The following APLNR variants were observed in gnomAD, a reference collection of about 807,000 sequenced individuals.
The protein encoded by APLNR is apelin receptor.
A neutral mutation model predicts 23.4 loss-of-function variants in APLNR; 13 were observed. The observed-to-expected ratio is 0.56, with a 90% CI of 0.36 to 0.88. The LOEUF is 0.88. Ranked by LOEUF, APLNR falls within the 40% of genes least tolerant of loss-of-function variation. The pLI is 0.01. For synonymous variants in APLNR, 234 were observed against 211.9 expected (o/e 1.10, Z -0.91); for missense variants, 480 against 517.1 (o/e 0.93, Z 0.70).
In APLNR at chr11:57,237,182, C is replaced by G. The variant is rs1459207748; in HGVS notation, c.-178G>C. The G allele has an allele frequency of 1.6e-6, 1 of 629,476 alleles. No individual in the cohort carries two copies. Among genetic ancestry groups the G allele is most frequent in the African/African-American group, 1.8e-5 (1 of 54,192 alleles). The allele number at this position is 629,476 out of a possible 1,614,324, so 39.0% of individuals were successfully genotyped here. A position where few individuals can be genotyped will look rare whatever the true frequency, so the allele number is the denominator to read the frequency against. On this transcript the variant is annotated 5_prime_UTR_variant, in exon 1 of 1. Transcript: ENST00000606794. ...GAGCTGCCTCTGGGTTCTCCAGACC[C>G]TGGAGGAAGCCTGTCTCCTGCAGAA...
chr11:57,235,726 G>A lies in APLNR; in HGVS notation c.*136C>T. 1 of 1,029,022 alleles carries A rather than the reference G, an allele frequency of 9.7e-7. No individual in the cohort carries two copies. 63.7% of individuals were successfully genotyped at this position (1,029,022 alleles called of 1,614,324 possible). A position where few individuals can be genotyped will look rare whatever the true frequency, so the allele number is the denominator to read the frequency against. ...GAGAAAGAATAAAGCAGTAGAGGAG[G>A]ACAGGGCGGGGCAGAATCAGGGGAC... is the stretch of plus-strand genomic sequence containing the variant. On this transcript the variant is annotated 3_prime_UTR_variant, in exon 1 of 1. Coordinates refer to ENST00000606794, the MANE Select transcript of APLNR (RefSeq NM_005161.6).
In APLNR at chr11:57,234,272, A is replaced by G. The variant is rs1285963570; in HGVS notation, c.*1590T>C. The G allele has an allele frequency of 6.6e-6, 1 of 152,208 alleles. No homozygotes were observed. Among genetic ancestry groups the G allele is most frequent in the African/African-American group, 2.4e-5 (1 of 41,430 alleles). The allele number at this position is 152,208 out of a possible 1,614,324, so 9.4% of individuals were successfully genotyped here. On this transcript the variant is annotated 3_prime_UTR_variant, in exon 1 of 1. Coordinates refer to ENST00000606794, the MANE Select transcript of APLNR (RefSeq NM_005161.6). ...CCCATGGCAAGCAGGAGGCCTCCTT[A>G]GGAAGAGGGCCACTGACCCTGGAAC...
At position 57,235,958 on chromosome 11, in the gene APLNR, C is replaced by T; in HGVS notation, c.1047G>A (p.Gly349=). ...TGTTGGGGCCGGGCCCCTGGCTGTG[C>T]CCCGAAGAGTAGCTGGCTGACTTCT... is the stretch of plus-strand genomic sequence containing the variant. ...SGEKSASYSS[G]HSQGPGPNMG... is the part of the protein sequence containing the mutation. Residue 349 remains glycine, a synonymous_variant, in exon 1 of 1, where the codon GGG becomes GGA. Coordinates refer to ENST00000606794, the MANE Select transcript of APLNR (RefSeq NM_005161.6). The T allele has an allele frequency of 1.2e-6, 2 of 1,614,280 alleles. No individual in the cohort carries two copies. Among genetic ancestry groups the T allele is most frequent in the Non-Finnish European group, 1.7e-6 (2 of 1,180,046 alleles).
Position 57,235,281 on chromosome 11 carries a change from C to G in APLNR, c.*581G>C, listed in dbSNP as rs1011807745. 5 of 152,324 alleles carry G rather than the reference C, an allele frequency of 3.3e-5. No individual in the cohort carries two copies. The highest frequency in any genetic ancestry group is 7.3e-5 in the Non-Finnish European group (5 of 68,242). The allele number at this position is 152,324 out of a possible 1,614,324, so 9.4% of individuals were successfully genotyped here. ...CGGCCCCAGCCCATTCCCTGCCTCACACTCAGAAAACAGGATAGAAAGCTT... is the reference window on the plus strand; with the variant it reads ...CGGCCCCAGCCCATTCCCTGCCTCAGACTCAGAAAACAGGATAGAAAGCTT... On this transcript the variant is annotated 3_prime_UTR_variant, in exon 1 of 1. Transcript: ENST00000606794.
At position 57,236,438 on chromosome 11, in the gene APLNR, G is replaced by A. The variant is rs779778624; in HGVS notation, c.567C>T (p.Ala189=). Residue 189 remains alanine (A), a synonymous_variant, in exon 1 of 1, where the codon GCC becomes GCT. Transcript: ENST00000606794. ...VQCYMDYSMV[A]TVSSEWAWEV... ...CCCAGGCCCACTCTGAGCTCACAGT[G>A]GCCACCATGGAGTAGTCCATGTAGC... 6.2e-7 allele frequency: 1 copy of A among 1,614,214 alleles called. No homozygotes were observed. The highest frequency in any genetic ancestry group is 8.5e-7 in the Non-Finnish European group (1 of 1,180,030).
chr11:57,236,057 G>A lies in APLNR; in HGVS notation c.948C>T (p.Phe316=), dbSNP rs1326778756. Residue 316 remains phenylalanine (F), a synonymous_variant, in exon 1 of 1, where the codon TTC becomes TTT. Coordinates refer to ENST00000606794, the MANE Select transcript of APLNR (RefSeq NM_005161.6). ...AGAGCATGGAGGTGCAGGCCTGGCGGAAGCGGGGGTCGAAAAAGGCATAGA... is the reference window on the plus strand; with the variant it reads ...AGAGCATGGAGGTGCAGGCCTGGCGAAAGCGGGGGTCGAAAAAGGCATAGA... The part of the protein sequence containing the change: ...PFLYAFFDPR[F]RQACTSMLCC... 2 of 1,614,136 alleles carry A rather than the reference G, an allele frequency of 1.2e-6. No individual in the cohort carries two copies. Among genetic ancestry groups the A allele is most frequent in the East Asian group, 2.2e-5 (1 of 44,892 alleles).
chr11:57,233,803 C>G lies in APLNR; in HGVS notation c.*2059G>C, dbSNP rs1426982461. ...GGGACAATTTCTTCCCTTCTAGAAG[C>G]CTCTTCCAGTGTTCACTGGATGCTT... On this transcript the variant is annotated 3_prime_UTR_variant, in exon 1 of 1. Coordinates refer to ENST00000606794, the MANE Select transcript of APLNR (RefSeq NM_005161.6). 1 of 152,250 alleles carries G rather than the reference C, an allele frequency of 6.6e-6. No homozygotes were observed. The allele number at this position is 152,250 out of a possible 1,614,324, so 9.4% of individuals were successfully genotyped here. A position where few individuals can be genotyped will look rare whatever the true frequency, so the allele number is the denominator to read the frequency against.
Position 57,235,670 on chromosome 11 carries a change from C to T in APLNR, c.*192G>A, listed in dbSNP as rs932660551. 11 of 651,402 alleles carry T rather than the reference C, an allele frequency of 1.7e-5. No homozygotes were observed. The Admixed American group carries it at 2.8e-4, about 17-fold the overall frequency. The allele number at this position is 651,402 out of a possible 1,614,324, so 40.4% of individuals were successfully genotyped here. ...TTGTGCAGGGTCAGGTCTGTAGAGC[C>T]CAGTCTCTTTCCCCTAAACCACAAA... On this transcript the variant is annotated 3_prime_UTR_variant, in exon 1 of 1. Transcript: ENST00000606794.
chr11:57,236,332 C>T lies in APLNR; in HGVS notation c.673G>A (p.Ala225Thr), dbSNP rs749277146. 21 of 1,614,002 alleles carry T rather than the reference C, an allele frequency of 1.3e-5. No homozygotes were observed. In the East Asian group the frequency reaches 2.2e-4, roughly 17 times the overall value. ...TIMLTCYFFI[A>T]QTIAGHFRKE... ...CGGAAGTGGCCAGCGATGGTTTGGG[C>T]GATGAAGAAGTAACAGGTCAGCATG... Residue 225 changes from alanine to threonine, a missense_variant, in exon 1 of 1, where the codon GCC becomes ACC. Coordinates refer to ENST00000606794, the MANE Select transcript of APLNR (RefSeq NM_005161.6).
Position 57,237,112 on chromosome 11 carries a change from T to A in APLNR, c.-108A>T. 1 of 1,193,774 alleles carries A rather than the reference T, an allele frequency of 8.4e-7. No homozygotes were observed. Among genetic ancestry groups the A allele is most frequent in the Non-Finnish European group, 1.2e-6 (1 of 855,960 alleles). 73.9% of individuals were successfully genotyped at this position (1,193,774 alleles called of 1,614,324 possible). On this transcript the variant is annotated 5_prime_UTR_variant, in exon 1 of 1. Coordinates refer to ENST00000606794, the MANE Select transcript of APLNR (RefSeq NM_005161.6). Reference sequence around the variant, plus strand: ...AATTTCTGGCTTGAGCCTCAGAGAGTAAGAAGGGCTGAAGATGCCCAGAGT... The same window carrying A: ...AATTTCTGGCTTGAGCCTCAGAGAGAAAGAAGGGCTGAAGATGCCCAGAGT...
In APLNR at chr11:57,235,938, G is replaced by T; in HGVS notation, c.1067C>A (p.Pro356His). The change falls in exon 1 of 1, where the codon CCC becomes CAC. Residue 356 changes from proline (P) to histidine (H), a missense_variant. Physicochemically the swap from Pro to His is moderately conservative, Grantham distance 77. Coordinates refer to ENST00000606794, the MANE Select transcript of APLNR (RefSeq NM_005161.6). ...CTGTTCTCCACCCTTGCCCATGTTG[G>T]GGCCGGGCCCCTGGCTGTGCCCCGA... ...YSSGHSQGPG[P>H]NMGKGGEQMH... 6.2e-7 allele frequency: 1 copy of T among 1,614,238 alleles called. No homozygotes were observed. The highest frequency in any genetic ancestry group is 1.1e-5 in the South Asian group (1 of 91,082).
At position 57,236,581 on chromosome 11, in the gene APLNR, G is replaced by C; in HGVS notation, c.424C>G (p.Leu142Val). Residue 142 changes from leucine to valine, a missense_variant, in exon 1 of 1, where the codon CTG (leucine) becomes GTG (valine). Physicochemically the swap from Leu to Val is conservative, Grantham distance 32. Coordinates refer to ENST00000606794, the MANE Select transcript of APLNR (RefSeq NM_005161.6). The stretch of plus-strand genomic sequence containing the variant: ...GTGGCCACGGCCCCGCTGACCCGCA[G>C]CCTCAGCCGAGCATTGGCCACTGGC... Reference protein sequence around the residue: ...VRPVANARLRLRVSGAVATAV... With the variant: ...VRPVANARLRVRVSGAVATAV... The C allele has an allele frequency of 6.2e-7, 1 of 1,612,928 alleles. No individual in the cohort carries two copies.
rs1357109878 is a variant in APLNR at position 57,234,537 on chromosome 11, G to T, written c.*1325C>A. On this transcript the variant is annotated 3_prime_UTR_variant, in exon 1 of 1. Coordinates refer to ENST00000606794, the MANE Select transcript of APLNR (RefSeq NM_005161.6). ...CTCCTAAAGCACGGACCAGCCGTTG[G>T]AGCCCCCAAATCCAGTAGGGGGTGG... 1 of 152,192 alleles carries T rather than the reference G, an allele frequency of 6.6e-6. No homozygotes were observed. The highest frequency in any genetic ancestry group is 1.5e-5 in the Non-Finnish European group (1 of 68,056). 9.4% of individuals were successfully genotyped at this position (152,192 alleles called of 1,614,324 possible).
chr11:57,235,873 C>G lies in APLNR; in HGVS notation c.1132G>C (p.Val378Leu). 6.2e-7 allele frequency: 1 copy of G among 1,606,848 alleles called. No individual in the cohort carries two copies. Among genetic ancestry groups the G allele is most frequent in the Non-Finnish European group, 8.5e-7 (1 of 1,176,256 alleles). Residue 378 changes from valine to leucine, a missense_variant, in exon 1 of 1, where the codon GTG becomes CTG. By Grantham distance (32) the Val-to-Leu change is conservative. Coordinates refer to ENST00000606794, the MANE Select transcript of APLNR (RefSeq NM_005161.6). The part of the protein sequence containing the change: ...KSIPYSQETL[V>L]VD ...CTCTGCTCCCAGCCCTAGTCAACCA[C>G]AAGGGTCTCCTGGCTGTAGGGGATG...
Position 57,236,405 on chromosome 11 carries a change from G to C in APLNR, c.600C>G (p.Gly200=), listed in dbSNP as rs753629842. The C allele has an allele frequency of 3.1e-6, 5 of 1,613,972 alleles. No homozygotes were observed. Among genetic ancestry groups the C allele is most frequent in the Admixed American group, 1.7e-5 (1 of 60,000 alleles). ...CCACGGTGGTGGACGAGACCCCAAG[G>C]CCCACCTCCCAGGCCCACTCTGAGC... The part of the protein sequence containing the change: ...TVSSEWAWEV[G]LGVSSTTVGF... The change falls in exon 1 of 1, where the codon GGC becomes GGG. Residue 200 remains glycine (G), a synonymous_variant. Coordinates refer to ENST00000606794, the MANE Select transcript of APLNR (RefSeq NM_005161.6).
chr11:57,236,980 T>A lies in APLNR; in HGVS notation c.25A>T (p.Asn9Tyr). 1 of 1,598,622 alleles carries A rather than the reference T, an allele frequency of 6.3e-7. No homozygotes were observed. Among genetic ancestry groups the A allele is most frequent in the Non-Finnish European group, 8.5e-7 (1 of 1,171,710 alleles). Reference protein sequence around the residue: MEEGGDFDNYYGADNQSEC... With the variant: MEEGGDFDYYYGADNQSEC... ...GACTGGTTGTCTGCCCCATAGTAGT[T>A]GTCAAAATCACCACCTTCCTCCATG... The change falls in exon 1 of 1, where the codon AAC (asparagine) becomes TAC (tyrosine). Residue 9 changes from asparagine to tyrosine, a missense_variant. By Grantham distance (143) the Asn-to-Tyr change is moderately radical. Transcript: ENST00000606794.
chr11:57,236,076 G>T lies in APLNR; in HGVS notation c.929C>A (p.Ala310Asp). ...VNSCLNPFLYAFFDPRFRQAC... is the reference protein window; with the variant it reads ...VNSCLNPFLYDFFDPRFRQAC... ...CTGGCGGAAGCGGGGGTCGAAAAAGGCATAGAGGAAGGGGTTGAGGCAGCT... is the reference window on the plus strand; with the variant it reads ...CTGGCGGAAGCGGGGGTCGAAAAAGTCATAGAGGAAGGGGTTGAGGCAGCT... Residue 310 changes from alanine (A) to aspartate (D), a missense_variant, in exon 1 of 1, where the codon GCC becomes GAC. By Grantham distance (126) the Ala-to-Asp change is moderately radical (BLOSUM62 -2). Coordinates refer to ENST00000606794, the MANE Select transcript of APLNR (RefSeq NM_005161.6). The T allele has an allele frequency of 1.2e-6, 2 of 1,614,230 alleles. No homozygotes were observed. The highest frequency in any genetic ancestry group is 1.7e-6 in the Non-Finnish European group (2 of 1,180,038).
rs1390889005 is a variant in APLNR at position 57,235,300 on chromosome 11, A to G, written c.*562T>C. The stretch of plus-strand genomic sequence containing the variant: ...GCCTCACACTCAGAAAACAGGATAG[A>G]AAGCTTAAACAGGGTCAGTCTCTGC... On this transcript the variant is annotated 3_prime_UTR_variant, in exon 1 of 1. Coordinates refer to ENST00000606794, the MANE Select transcript of APLNR (RefSeq NM_005161.6). 1 of 151,868 alleles carries G rather than the reference A, an allele frequency of 6.6e-6. No homozygotes were observed. The highest frequency in any genetic ancestry group is 1.5e-5 in the Non-Finnish European group (1 of 68,068). The allele number at this position is 151,868 out of a possible 1,614,324, so 9.4% of individuals were successfully genotyped here.
Position 57,236,477 on chromosome 11 carries a change from G to A in APLNR, c.528C>T (p.Thr176=). Residue 176 remains threonine, a synonymous_variant, in exon 1 of 1, where the codon ACC becomes ACT. Coordinates refer to ENST00000606794, the MANE Select transcript of APLNR (RefSeq NM_005161.6). ...AGTCCATGTAGCACTGCACCTTAGTGGTGTTCTCCAAGTCCCCGGTGGTGC... is the reference window on the plus strand; with the variant it reads ...AGTCCATGTAGCACTGCACCTTAGTAGTGTTCTCCAAGTCCCCGGTGGTGC... ...VLRTTGDLEN[T]TKVQCYMDYS... 6.2e-7 allele frequency: 1 copy of A among 1,614,208 alleles called. No homozygotes were observed. Among genetic ancestry groups the A allele is most frequent in the Non-Finnish European group, 8.5e-7 (1 of 1,180,028 alleles).
Sources: gnomAD v4.1 joint callset for allele counts on GRCh38, gnomAD v4.1.1 for gene constraint, MANE v1.5 for transcripts, NCBI Gene and HGNC (gene_info 2026-07-23, HGNC 2026-07-21) for gene names.